CEP85L: variants seen among roughly 807,000 people sequenced by gnomAD.
The protein encoded by CEP85L is centrosomal protein of 85 kDa-like.
A neutral mutation model predicts 100.3 loss-of-function variants in CEP85L; 60 were observed. The ratio of observed to expected loss-of-function variants is 0.60; its 90% CI spans 0.49 to 0.74. CEP85L has a LOEUF of 0.74. CEP85L is among the 30% of genes least tolerant of loss of function. The pLI, the probability that CEP85L is intolerant of heterozygous loss-of-function variation, is 0.00. For missense variants in CEP85L, 973 were observed against 936.2 expected (o/e 1.04, Z -0.51); for synonymous variants, 319 against 322.7 (o/e 0.99, Z 0.12).
At chr6:118,708,755 A>G (rs546165309) in intron 1 of CEP85L, among the ~76,000 whole-genome samples, 1 of 152,260 alleles carries the variant, frequency 6.6e-6, no homozygotes, top group Non-Finnish European at 1.5e-5. Flanking sequence ...CCTTGAATAG[A>G]CTTTTTTCCT....
rs574677778 is a variant in CEP85L, at chr6:118,618,987, G to T, written c.232+13466C>A. On this transcript the variant is annotated intron_variant, in intron 2 of 12. Transcript: ENST00000368491. ...GTGGTCAATGGGTGCACGGCAGAGG[G>T]CAAGGATGATTTCCATTCTGCCGGT... Among the ~76,000 whole-genome samples the T allele has an allele frequency of 2.0e-5, 3 of 152,240 alleles. No homozygotes were observed. The East Asian group carries it at 5.8e-4, about 29-fold the overall frequency.
chr6:118,676,102 A>G (rs1776473454), intron 1 of CEP85L, among the ~76,000 whole-genome samples: 1 of 152,142 alleles, frequency 6.6e-6, no homozygotes, highest in African/African-American at 2.4e-5. Context: ...TGAAATGTCT[A>G]TTTTTAACTG....
At chr6:118,474,527 G>A (rs183100745) in intron 10 of CEP85L, among the ~76,000 whole-genome samples, 1 of 152,190 alleles carries the variant, frequency 6.6e-6, no homozygotes, top group Admixed American at 6.5e-5. Flanking sequence ...TACATTGAGT[G>A]CAGAAATCCT....
chr6:118,619,058 C>G (rs950704964), intron 2 of CEP85L, among the ~76,000 whole-genome samples: 1 of 151,556 alleles, frequency 6.6e-6, no homozygotes, highest in Admixed American at 6.5e-5. Context: ...GACGATCATG[C>G]GCTCCGAGCA....
intron 2 of CEP85L, among the ~76,000 whole-genome samples, chr6:118,579,792 A>G (rs1436451032): frequency 6.6e-6 from 1 of 152,236 alleles, no homozygotes; most frequent in African/African-American, 2.4e-5. Flanking sequence ...CTTTTAAGGC[A>G]GCTCCAGATA....
intron 1 of CEP85L, among the ~76,000 whole-genome samples, chr6:118,634,636 A>T (rs923698587): frequency 6.6e-6 from 1 of 151,386 alleles, no homozygotes; most frequent in African/African-American, 2.4e-5. Context: ...AATTCAAGTG[A>T]TTCAACACTC....
At chr6:118,618,647 C>T (rs746499801) in intron 2 of CEP85L, among the ~76,000 whole-genome samples, 2 of 152,030 alleles carry the variant, frequency 1.3e-5, no homozygotes, top group Non-Finnish European at 2.9e-5. Flanking sequence ...AATTGAGACA[C>T]GGGATACTGG....
intron 2 of CEP85L, among the ~76,000 whole-genome samples, chr6:118,576,474 G>A (rs1215259071): frequency 3.3e-5 from 5 of 152,316 alleles, no homozygotes; most frequent in Admixed American, 6.5e-5. Context: ...ACATTCAAAC[G>A]GGTTTGTCTT....
At chr6:118,687,700 A>G (rs1015380596) in intron 1 of CEP85L, among the ~76,000 whole-genome samples, 2 of 151,982 alleles carry the variant, frequency 1.3e-5, no homozygotes, top group South Asian at 2.1e-4. Flanking sequence ...AAATCTTGCA[A>G]CTGCACTCTT....
chr6:118,513,038 C>A (rs1776059696), intron 4 of CEP85L, among the ~76,000 whole-genome samples: 1 of 152,092 alleles, frequency 6.6e-6, no homozygotes, highest in African/African-American at 2.4e-5. Flanking sequence ...AGGAGACATA[C>A]ATGACAAACA....
chr6:118,705,144 C>A (rs1052921592), intron 1 of CEP85L, among the ~76,000 whole-genome samples: 3 of 152,168 alleles, frequency 2.0e-5, no homozygotes, highest in African/African-American at 7.2e-5. Flanking sequence ...CACACACACC[C>A]TTTTCCATTT....
chr6:118,549,648 C>A (rs377749681), intron 3 of CEP85L, among the ~76,000 whole-genome samples: 14 of 151,726 alleles, frequency 9.2e-5, no homozygotes, highest in African/African-American at 3.1e-4. Context: ...GTCTCCATAT[C>A]TCTATACTCA....
chr6:118,524,565 G>GC (rs1187983428), intron 3 of CEP85L, among the ~76,000 whole-genome samples: 2 of 152,210 alleles, frequency 1.3e-5, no homozygotes, highest in Non-Finnish European at 2.9e-5. Flanking sequence ...GTAGGAATGT[G>GC]CCATGGCTTA....
intron 1 of CEP85L, among the ~76,000 whole-genome samples, chr6:118,662,723 A>ACCT (rs1776016254): frequency 6.6e-6 from 1 of 152,140 alleles, no homozygotes; most frequent in Non-Finnish European, 1.5e-5. Flanking sequence ...GTTCAACTTC[A>ACCT]TTAGTAAGTA....
intron 2 of CEP85L, among the ~76,000 whole-genome samples, chr6:118,596,546 C>T (rs1781465275): frequency 1.3e-5 from 2 of 152,142 alleles, no homozygotes; most frequent in Admixed American, 1.3e-4. Flanking sequence ...GGAAAGCACA[C>T]ACTAATTGGA....
intron 4 of CEP85L, among the ~76,000 whole-genome samples, chr6:118,517,226 A>G (rs1582957850): frequency 6.6e-6 from 1 of 151,824 alleles, no homozygotes; most frequent in Non-Finnish European, 1.5e-5. Flanking sequence ...GGCTATCTAG[A>G]CTCTTTTTTG....
chr6:118,652,705 C>T (rs188021391), upstream of CEP85L: 71 of 1,538,054 alleles, frequency 4.6e-5, no homozygotes, highest in Admixed American at 1.2e-3. Context: ...CTTACCACAT[C>T]CGTGTTGTAA....
At chr6:118,611,171 T>A (rs527613075) in intron 2 of CEP85L, among the ~76,000 whole-genome samples, 10 of 152,306 alleles carry the variant, frequency 6.6e-5, no homozygotes, top group African/African-American at 2.4e-4. Context: ...TTGACAGTTG[T>A]TGGAAGTGGT....
intron 3 of CEP85L, among the ~76,000 whole-genome samples, chr6:118,549,066 AAAG>A (rs1312152256): frequency 1.3e-5 from 2 of 152,044 alleles, no homozygotes; most frequent in Non-Finnish European, 2.9e-5. Flanking sequence ...ATTGTATCAT[AAAG>A]AAGTTTAGAA....
Sources: allele counts gnomAD v4.1 joint callset (sites outside exome capture counted in the v4.1 genomes callset), GRCh38; gene constraint gnomAD v4.1.1; transcripts MANE v1.5; gene names NCBI Gene and HGNC (gene_info 2026-07-23, HGNC 2026-07-21).